Variants in DNER observed in about 807,000 individuals in gnomAD.
The protein encoded by DNER is delta and Notch-like epidermal growth factor-related receptor.
In DNER, 33 loss-of-function variants were observed where a neutral mutation model predicts 78.2. That is an observed-to-expected ratio of 0.42 (90% CI 0.32 to 0.56). The LOEUF (loss-of-function observed/expected upper bound fraction) is 0.56, where lower values mean the gene tolerates loss of function less well. Ranked by LOEUF, DNER falls within the 20% of genes least tolerant of loss-of-function variation. DNER has a pLI of 0.11. For synonymous variants in DNER, 417 were observed against 384.8 expected (o/e 1.08, Z -0.98); for missense variants, 918 against 975.3 (o/e 0.94, Z 0.78).
At position 229,434,952 on chromosome 2, in the gene DNER, GCACA is replaced by G. The variant is rs373238849; in HGVS notation, c.1486+12360_1486+12363del. On this transcript the variant is annotated intron_variant, in intron 8 of 12. Coordinates refer to ENST00000341772, the MANE Select transcript of DNER (RefSeq NM_139072.4). ...CACACACACACACACACACACACGT[GCACA>G]CACACACACAGACACATCACATCAC... is the stretch of plus-strand genomic sequence containing the variant. Among the ~76,000 whole-genome samples, 9 of 144,976 alleles carry G rather than the reference GCACA, an allele frequency of 6.2e-5. No individual in the cohort carries two copies. In the South Asian group the frequency reaches 2.0e-3, roughly 32 times the overall value.
chr2:229,650,296 G>A (rs1267864018), intron 1 of DNER, among the ~76,000 whole-genome samples: 1 of 152,124 alleles, frequency 6.6e-6, no homozygotes, highest in Non-Finnish European at 1.5e-5. Flanking sequence ...ACACCACAGT[G>A]TGAAGGAAGT....
chr2:229,387,250 C>T (rs1269581314), intron 11 of DNER, among the ~76,000 whole-genome samples: 3 of 152,100 alleles, frequency 2.0e-5, no homozygotes. Flanking sequence ...ACCACATGTT[C>T]TCACTCATAA....
intron 1 of DNER, among the ~76,000 whole-genome samples, chr2:229,664,247 C>A (rs563576202): frequency 1.3e-5 from 2 of 152,282 alleles, no homozygotes; most frequent in East Asian, 3.9e-4. Flanking sequence ...ATTTGCCCAA[C>A]CTCATTGGTC....
At chr2:229,521,517 A>G (rs532991716) in intron 5 of DNER, among the ~76,000 whole-genome samples, 42 of 152,252 alleles carry the variant, frequency 2.8e-4, no homozygotes, top group Non-Finnish European at 5.0e-4. Flanking sequence ...GACAGACACT[A>G]AAACCTAGAT....
chr2:229,405,721 C>T (rs563961933), intron 10 of DNER, among the ~76,000 whole-genome samples: 1 of 152,292 alleles, frequency 6.6e-6, no homozygotes, highest in African/African-American at 2.4e-5. Flanking sequence ...ATACTACACA[C>T]ACACAGACCT....
rs147523957 is a variant in DNER, at chr2:229,660,020, T to C, written c.276+54128A>G. ...GGTATACACATACCTCATATGTGTATAGACAGAACTCAAAGTAGTTGGACT... is the reference window on the plus strand; with the variant it reads ...GGTATACACATACCTCATATGTGTACAGACAGAACTCAAAGTAGTTGGACT... On this transcript the variant is annotated intron_variant, in intron 1 of 12. Transcript: ENST00000341772. 4.8e-4 allele frequency among the ~76,000 whole-genome samples: 73 copies of C among 152,302 alleles called. No homozygotes were observed. The East Asian group carries it at 5.6e-3, about 12-fold the overall frequency.
chr2:229,383,049 C>A (rs1328923824), intron 11 of DNER, among the ~76,000 whole-genome samples: 2 of 152,190 alleles, frequency 1.3e-5, no homozygotes, highest in Non-Finnish European at 2.9e-5. Flanking sequence ...GCCCATCAGA[C>A]TAACGGCAGA....
At chr2:229,506,939 T>C (rs1387892490) in intron 6 of DNER, among the ~76,000 whole-genome samples, 3 of 152,192 alleles carry the variant, frequency 2.0e-5, no homozygotes, top group East Asian at 1.9e-4. Flanking sequence ...TTCGTCATTA[T>C]GCTAATGTCA....
intron 6 of DNER, among the ~76,000 whole-genome samples, chr2:229,478,813 CTTTTA>C (rs919507300): frequency 1.4e-4 from 21 of 151,174 alleles, no homozygotes; most frequent in African/African-American, 4.9e-4. Flanking sequence ...TTAACTTCAA[CTTTTA>C]TTTTAAGTTC....
chr2:229,376,089 C>T (rs1438153674), intron 11 of DNER, among the ~76,000 whole-genome samples: 1 of 152,204 alleles, frequency 6.6e-6, no homozygotes, highest in Non-Finnish European at 1.5e-5. Context: ...TTTCCTGAGA[C>T]CTTCCCAGCC....
intron 4 of DNER, among the ~76,000 whole-genome samples, chr2:229,567,848 A>G (rs2154213925): frequency 6.6e-6 from 1 of 152,350 alleles, no homozygotes. Flanking sequence ...TCTGTCCAGA[A>G]CAGATTTTAT....
chr2:229,569,381 G>A (rs772054929), intron 4 of DNER, among the ~76,000 whole-genome samples: 1 of 152,128 alleles, frequency 6.6e-6, no homozygotes, highest in Non-Finnish European at 1.5e-5. Context: ...AGTTAACAGG[G>A]CATGATGGCT....
In DNER at chr2:229,366,971, T is replaced by C. The variant is rs1574808128; in HGVS notation, c.2004A>G (p.Glu668=). Residue 668 remains glutamate, a synonymous_variant, in exon 12 of 13, where the codon GAA becomes GAG. Coordinates refer to ENST00000341772, the MANE Select transcript of DNER (RefSeq NM_139072.4). Reference sequence around the variant, plus strand: ...AGGCTGGCCTGGAAGAACCCTGGTATTCAATGCGGCTGATGCGGCAAATCC... The same window carrying C: ...AGGCTGGCCTGGAAGAACCCTGGTACTCAATGCGGCTGATGCGGCAAATCC... ...IVGICRISRI[E]YQGSSRPAYE... is the part of the protein sequence containing the mutation. 1 of 1,614,148 alleles carries C rather than the reference T, an allele frequency of 6.2e-7. No homozygotes were observed. The highest frequency in any genetic ancestry group is 8.5e-7 in the Non-Finnish European group (1 of 1,180,028).
At chr2:229,596,680 G>T (rs930999262) in intron 1 of DNER, among the ~76,000 whole-genome samples, 1 of 152,230 alleles carries the variant, frequency 6.6e-6, no homozygotes. Flanking sequence ...AGGGGATAAA[G>T]AGCCAGAAAG....
chr2:229,411,313 T>C (rs1166137889), intron 9 of DNER, among the ~76,000 whole-genome samples: 1 of 152,122 alleles, frequency 6.6e-6, no homozygotes, highest in African/African-American at 2.4e-5. Context: ...TCCCAGCACT[T>C]TGGGAGGCCA....
intron 1 of DNER, among the ~76,000 whole-genome samples, chr2:229,627,184 A>G (rs1177726120): frequency 6.6e-6 from 1 of 152,172 alleles, no homozygotes; most frequent in Admixed American, 6.5e-5. Flanking sequence ...TCAGACAAAG[A>G]CCCTGTGAGA....
chr2:229,435,274 G>T (rs1694098926), intron 8 of DNER, among the ~76,000 whole-genome samples: 1 of 152,154 alleles, frequency 6.6e-6, no homozygotes, highest in Non-Finnish European at 1.5e-5. Context: ...CCAGCTAACT[G>T]CCAGCAATAT....
intron 11 of DNER, among the ~76,000 whole-genome samples, chr2:229,383,311 C>T (rs1398279321): frequency 6.6e-6 from 1 of 152,190 alleles, no homozygotes; most frequent in Non-Finnish European, 1.5e-5. Context: ...CAAAAACATA[C>T]CAAATTGTAA....
intron 6 of DNER, among the ~76,000 whole-genome samples, chr2:229,503,066 A>G (rs1456843423): frequency 2.0e-5 from 3 of 152,206 alleles, no homozygotes; most frequent in Non-Finnish European, 4.4e-5. Flanking sequence ...TACCTGATAC[A>G]ATGGTCCTTG....
Sources: gnomAD v4.1 joint callset for allele counts (sites outside exome capture counted in the v4.1 genomes callset) on GRCh38, gnomAD v4.1.1 for gene constraint, MANE v1.5 for transcripts, NCBI Gene and HGNC (gene_info 2026-07-23, HGNC 2026-07-21) for gene names.